ZKSCAN8: variants seen among roughly 807,000 people sequenced by gnomAD.
The protein encoded by ZKSCAN8 is zinc finger with KRAB and SCAN domains 8.
A neutral mutation model predicts 57.2 loss-of-function variants in ZKSCAN8; 27 were observed. That is an observed-to-expected ratio of 0.47 (90% CI 0.35 to 0.65). The LOEUF is 0.65. Among genes scored for constraint, ZKSCAN8 ranks in the 30% least tolerant of loss-of-function variants. ZKSCAN8 has a pLI of 0.01. For missense variants in ZKSCAN8, 597 were observed against 696.3 expected (o/e 0.86, Z 1.60); for synonymous variants, 214 against 248.7 (o/e 0.86, Z 1.31).
Position 28,153,121 on chromosome 6 carries a change from C to T in ZKSCAN8, c.841C>T (p.Pro281Ser), listed in dbSNP as rs771995321. 3 of 1,614,164 alleles carry T rather than the reference C, an allele frequency of 1.9e-6. No homozygotes were observed. Among genetic ancestry groups the T allele is most frequent in the Admixed American group, 3.3e-5 (2 of 60,016 alleles). The change falls in exon 6 of 6, where the codon CCA (proline) becomes TCA (serine). Residue 281 changes from proline (P) to serine (S), a missense_variant. Physicochemically the swap from Pro to Ser is moderately conservative, Grantham distance 74 (BLOSUM62 -1). Coordinates refer to ENST00000330236, the MANE Select transcript of ZKSCAN8 (RefSeq NM_006298.4). ...SKQVISTGIQ[P>S]HGETAAKCNG... Reference sequence around the variant, plus strand: ...ACAGGTAATATCTACTGGAATCCAGCCACATGGAGAGACAGCTGCCAAATG... The same window carrying T: ...ACAGGTAATATCTACTGGAATCCAGTCACATGGAGAGACAGCTGCCAAATG...
At chr6:28,146,315 A>G (rs1191897960) in intron 1 of ZKSCAN8, among the ~76,000 whole-genome samples, 1 of 152,264 alleles carries the variant, frequency 6.6e-6, no homozygotes, top group Middle Eastern at 3.2e-3. Flanking sequence ...CAGTTATGGG[A>G]AAAGTAACAT....
At chr6:28,152,959 G>A (rs1765642426) in intron 5 of ZKSCAN8, 97 bp from the exon 6 acceptor site, 2 of 1,519,296 alleles carry the variant, frequency 1.3e-6, no homozygotes, top group Non-Finnish European at 1.8e-6. Flanking sequence ...CTGTTCATGT[G>A]TACTTTCCTT....
At chr6:28,146,699 G>C (rs1405935403) in intron 1 of ZKSCAN8, among the ~76,000 whole-genome samples, 1 of 152,126 alleles carries the variant, frequency 6.6e-6, no homozygotes, top group Non-Finnish European at 1.5e-5. Context: ...CCACCTACTT[G>C]ATTTCAAGAT....
rs1450279216 is a variant in ZKSCAN8 at position 28,153,172 on chromosome 6, G to C, written c.892G>C (p.Glu298Gln). Reference protein sequence around the residue: ...KCNGDVIRGLEHEEARDLLGR... With the variant: ...KCNGDVIRGLQHEEARDLLGR... ...CAACGGGGATGTTATCAGGGGTCTT[G>C]AGCATGAAGAAGCCCGAGACCTTCT... Residue 298 changes from glutamate to glutamine, a missense_variant, in exon 6 of 6, where the codon GAG becomes CAG. Coordinates refer to ENST00000330236, the MANE Select transcript of ZKSCAN8 (RefSeq NM_006298.4). The C allele has an allele frequency of 6.2e-7, 1 of 1,614,218 alleles. No individual in the cohort carries two copies.
At position 28,153,352 on chromosome 6, in the gene ZKSCAN8, G is replaced by T; in HGVS notation, c.1072G>T (p.Ala358Ser). 6.2e-7 allele frequency: 1 copy of T among 1,613,858 alleles called. No homozygotes were observed. Among genetic ancestry groups the T allele is most frequent in the Non-Finnish European group, 8.5e-7 (1 of 1,179,954 alleles). Residue 358 changes from alanine (A) to serine (S), a missense_variant, in exon 6 of 6, where the codon GCC becomes TCC. Transcript: ENST00000330236. ...CTATCAGTGTAATGTGTGTGGTAAAGCCTTCAGTTACAGGTCAGCCCTTCT... is the reference window on the plus strand; with the variant it reads ...CTATCAGTGTAATGTGTGTGGTAAATCCTTCAGTTACAGGTCAGCCCTTCT... ...KPYQCNVCGK[A>S]FSYRSALLSH...
chr6:28,156,034 T>G lies in ZKSCAN8; in HGVS notation c.*2017T>G, dbSNP rs1480794039. 1 of 397,504 alleles carries G rather than the reference T, an allele frequency of 2.5e-6. No individual in the cohort carries two copies. Among genetic ancestry groups the G allele is most frequent in the Non-Finnish European group, 4.4e-6 (1 of 225,440 alleles). 24.6% of individuals were successfully genotyped at this position (397,504 alleles called of 1,614,324 possible). On this transcript the variant is annotated 3_prime_UTR_variant, in exon 6 of 6. Coordinates refer to ENST00000330236, the MANE Select transcript of ZKSCAN8 (RefSeq NM_006298.4). ...AAGTAAATCTGGTTGTATCTAGATC[T>G]TTGCTCTGTGTTTCAGTTGTGCCTT...
Position 28,159,276 on chromosome 6 carries a change from T to C in ZKSCAN8, c.*5259T>C, listed in dbSNP as rs1449235682. ...ACTGTGGTCCATGTACTTACTAATA[T>C]GTTGCTTTGTAATTATTTTCTAGCA... On this transcript the variant is annotated 3_prime_UTR_variant, in exon 6 of 6. Coordinates refer to ENST00000330236, the MANE Select transcript of ZKSCAN8 (RefSeq NM_006298.4). The C allele has an allele frequency of 2.6e-5, 4 of 152,260 alleles. No homozygotes were observed. Among genetic ancestry groups the C allele is most frequent in the Admixed American group, 6.5e-5 (1 of 15,282 alleles). The allele number at this position is 152,260 out of a possible 1,614,324, so 9.4% of individuals were successfully genotyped here.
At chr6:28,143,311 G>T (rs550492103) in intron 1 of ZKSCAN8, among the ~76,000 whole-genome samples, 51 of 152,246 alleles carry the variant, frequency 3.3e-4, no homozygotes, top group South Asian at 6.2e-4. Context: ...TGGAAAATTA[G>T]CCACTAAATA....
In ZKSCAN8 at chr6:28,158,136, T is replaced by A. The variant is rs1765846762; in HGVS notation, c.*4119T>A. Reference sequence around the variant, plus strand: ...CTTTTTTTATTATTATTTCTTGTCTTTTTTGATCTAATTTATATTTTATAT... The same window carrying A: ...CTTTTTTTATTATTATTTCTTGTCTATTTTGATCTAATTTATATTTTATAT... On this transcript the variant is annotated 3_prime_UTR_variant, in exon 6 of 6. Transcript: ENST00000330236. The A allele has an allele frequency of 6.6e-6, 1 of 152,138 alleles. No homozygotes were observed. Among genetic ancestry groups the A allele is most frequent in the Non-Finnish European group, 1.5e-5 (1 of 68,020 alleles). The allele number at this position is 152,138 out of a possible 1,614,324, so 9.4% of individuals were successfully genotyped here. A position where few individuals can be genotyped will look rare whatever the true frequency, so the allele number is the denominator to read the frequency against.
chr6:28,145,044 A>C (rs1363622847), intron 1 of ZKSCAN8, among the ~76,000 whole-genome samples: 2 of 152,128 alleles, frequency 1.3e-5, no homozygotes, highest in Admixed American at 6.5e-5. Context: ...GCGACAGAGC[A>C]AGACTCCATC....
rs760370717 is a variant in ZKSCAN8 at position 28,153,491 on chromosome 6, A to G, written c.1211A>G (p.Lys404Arg). 4 of 1,612,216 alleles carry G rather than the reference A, an allele frequency of 2.5e-6. No individual in the cohort carries two copies. Among genetic ancestry groups the G allele is most frequent in the Admixed American group, 3.3e-5 (2 of 59,964 alleles). ...CACCAGAGAATCCACACTGGGGAGA[A>G]GCCATATCAGTGCAATCAGTGTGGG... is the stretch of plus-strand genomic sequence containing the variant. ...ILHQRIHTGE[K>R]PYQCNQCGKA... The change falls in exon 6 of 6, where the codon AAG (lysine) becomes AGG (arginine). Residue 404 changes from lysine (K) to arginine (R), a missense_variant. Coordinates refer to ENST00000330236, the MANE Select transcript of ZKSCAN8 (RefSeq NM_006298.4).
chr6:28,149,588 C>T lies in ZKSCAN8; in HGVS notation c.523C>T (p.His175Tyr), dbSNP rs1300855759. 2 of 1,614,042 alleles carry T rather than the reference C, an allele frequency of 1.2e-6. No homozygotes were observed. The highest frequency in any genetic ancestry group is 1.7e-6 in the Non-Finnish European group (2 of 1,180,000). ...TCAGCTCCAATCTGAGGCAACCCAA[C>T]ATAAATCTCCAGTGCCCCAAGAGTC... ...NTQLQSEATQHKSPVPQESQE... is the reference protein window; with the variant it reads ...NTQLQSEATQYKSPVPQESQE... The change falls in exon 3 of 6, where the codon CAT becomes TAT. Residue 175 changes from histidine to tyrosine, a missense_variant. Physicochemically the swap from His to Tyr is moderately conservative, Grantham distance 83. Coordinates refer to ENST00000330236, the MANE Select transcript of ZKSCAN8 (RefSeq NM_006298.4).
At chr6:28,152,520 AT>A in intron 5 of ZKSCAN8, 136 bp downstream of exon 5, 1 of 1,217,608 alleles carries the variant, frequency 8.2e-7, no homozygotes, top group Non-Finnish European at 1.1e-6. Context: ...TGATGTTGAG[AT>A]TTCTTGAAAT....
intron 1 of ZKSCAN8, among the ~76,000 whole-genome samples, chr6:28,147,011 G>A (rs1192896886): frequency 1.3e-5 from 2 of 151,940 alleles, no homozygotes; most frequent in Non-Finnish European, 2.9e-5. Flanking sequence ...CTTGGATTAA[G>A]CAAAGATTTC....
rs1446254700 is a variant in ZKSCAN8, at chr6:28,148,622, T to C, written c.215T>C (p.Leu72Pro). The C allele has an allele frequency of 1.1e-5, 17 of 1,613,984 alleles. No individual in the cohort carries two copies. Among genetic ancestry groups the C allele is most frequent in the Non-Finnish European group, 1.4e-5 (17 of 1,180,004 alleles). ...TLGPREALIQ[L>P]RALCHQWLRP... is the part of the protein sequence containing the mutation. ...GGACCCCGAGAAGCTCTGATCCAAC[T>C]ACGGGCCCTTTGCCATCAGTGGCTG... Residue 72 changes from leucine (L) to proline (P), a missense_variant, in exon 2 of 6, where the codon CTA (leucine) becomes CCA (proline). By Grantham distance (98) the Leu-to-Pro change is moderately conservative. Transcript: ENST00000330236.
At chr6:28,145,578 A>T (rs554204432) in intron 1 of ZKSCAN8, among the ~76,000 whole-genome samples, 129 of 152,272 alleles carry the variant, frequency 8.5e-4, no homozygotes, top group African/African-American at 3.1e-3. Context: ...AATAGAATAG[A>T]CACTTACTGT....
In ZKSCAN8 at chr6:28,148,737, G is replaced by A. The variant is rs763386128; in HGVS notation, c.330G>A (p.Leu110=). The A allele has an allele frequency of 1.2e-5, 20 of 1,614,036 alleles. No individual in the cohort carries two copies. In the East Asian group the frequency reaches 4.2e-4, roughly 34 times the overall value. The change falls in exon 2 of 6, where the codon CTG becomes CTA. Residue 110 remains leucine (L), a synonymous_variant. Transcript: ENST00000330236. ...TCCTACCTGAGGAGCTCCAGACACT[G>A]GTTAAGGAACATCAGCTAGAGAACG... The part of the protein sequence containing the change: ...LTILPEELQT[L]VKEHQLENGE...
Position 28,156,551 on chromosome 6 carries a change from AAGGCTGTGGATTCTTTG to A in ZKSCAN8, c.*2538_*2554del, listed in dbSNP as rs1765789482. 1 of 208,164 alleles carries A rather than the reference AAGGCTGTGGATTCTTTG, an allele frequency of 4.8e-6. No homozygotes were observed. The highest frequency in any genetic ancestry group is 9.5e-6 in the Non-Finnish European group (1 of 105,556). The allele number at this position is 208,164 out of a possible 1,614,324, so 12.9% of individuals were successfully genotyped here. ...GCCAAATGGTATAAGACAATAGAAA[AAGGCTGTGGATTCTTTG>A]AGGACATCACTAGAAATCATTCTTT... is the stretch of plus-strand genomic sequence containing the variant. On this transcript the variant is annotated 3_prime_UTR_variant, in exon 6 of 6. Transcript: ENST00000330236.
chr6:28,153,902 C>G lies in ZKSCAN8; in HGVS notation c.1622C>G (p.Thr541Arg). The G allele has an allele frequency of 6.2e-7, 1 of 1,614,088 alleles. No individual in the cohort carries two copies. The highest frequency in any genetic ancestry group is 8.5e-7 in the Non-Finnish European group (1 of 1,179,990). The stretch of plus-strand genomic sequence containing the variant: ...CTCATTCAACACCTGAGAATTCACA[C>G]AGGGGAGAAGCCCTACCAATGTAAT... The part of the protein sequence containing the change: ...TGLIQHLRIH[T>R]GEKPYQCNEC... The change falls in exon 6 of 6, where the codon ACA becomes AGA. Residue 541 changes from threonine (T) to arginine (R), a missense_variant. Coordinates refer to ENST00000330236, the MANE Select transcript of ZKSCAN8 (RefSeq NM_006298.4).
Sources: allele counts gnomAD v4.1 joint callset (sites outside exome capture counted in the v4.1 genomes callset), GRCh38; gene constraint gnomAD v4.1.1; transcripts MANE v1.5; gene names NCBI Gene and HGNC (gene_info 2026-07-23, HGNC 2026-07-21).